Variants in CMTM4 observed in about 807,000 individuals in gnomAD.
CMTM4 encodes the protein CKLF-like MARVEL transmembrane domain-containing protein 4.
A neutral mutation model predicts 19.0 loss-of-function variants in CMTM4; 8 were observed. The observed-to-expected ratio is 0.42, with a 90% confidence interval of 0.25 to 0.76. CMTM4 has a LOEUF of 0.76. Ranked by LOEUF, CMTM4 falls within the 30% of genes least tolerant of loss-of-function variation. The pLI, the probability that CMTM4 is intolerant of heterozygous loss-of-function variation, is 0.27. For missense variants in CMTM4, 228 were observed against 290.2 expected, an observed-to-expected ratio of 0.79 and a Z score of 1.56; for synonymous variants, 106 against 121.1, an observed-to-expected ratio of 0.88 and a Z score of 0.82.
intron 1 of CMTM4, among the ~76,000 whole-genome samples, chr16:66,637,143 A>G (rs2016007650): frequency 6.6e-6 from 1 of 152,240 alleles, no homozygotes. Flanking sequence ...GGTGGGAACA[A>G]GAGGCGCACC....
At chr16:66,631,829 A>G (rs1040905631) in intron 2 of CMTM4, among the ~76,000 whole-genome samples, 44 of 152,308 alleles carry the variant, frequency 2.9e-4, no homozygotes, top group African/African-American at 1.1e-3. Flanking sequence ...GGAAAACCAG[A>G]GACCTTTGTT....
intron 2 of CMTM4, among the ~76,000 whole-genome samples, chr16:66,635,517 A>G (rs2015973803): frequency 6.6e-6 from 1 of 152,300 alleles, no homozygotes; most frequent in Admixed American, 6.5e-5. Context: ...TCATGGGCCC[A>G]GCAGCAGCCA....
At chr16:66,662,814 G>A (rs2016522020) in intron 1 of CMTM4, among the ~76,000 whole-genome samples, 1 of 152,102 alleles carries the variant, frequency 6.6e-6, no homozygotes, top group African/African-American at 2.4e-5. Flanking sequence ...CTGGCAGAAA[G>A]AGGAAGCAAA....
chr16:66,636,352 G>T, intron 2 of CMTM4, 53 bp downstream of exon 2: 1 of 1,465,280 alleles, frequency 6.8e-7, no homozygotes, highest in Non-Finnish European at 9.4e-7. Flanking sequence ...GCTTTTCCTT[G>T]GAGCCAACAG....
At chr16:66,637,067 C>T (rs1188332854) in intron 1 of CMTM4, among the ~76,000 whole-genome samples, 1 of 152,332 alleles carries the variant, frequency 6.6e-6, no homozygotes, top group East Asian at 1.9e-4. Context: ...TAAAGTCACA[C>T]AGGTTAACTG....
At chr16:66,613,313 G>T (rs1372961756), downstream of CMTM4, 3 of 591,568 alleles carry the variant, frequency 5.1e-6, no homozygotes, top group Non-Finnish European at 9.1e-6. Context: ...TCAAAGAAGA[G>T]CTCATAGACT....
chr16:66,687,979 G>A (rs988435780), intron 1 of CMTM4, among the ~76,000 whole-genome samples: 5 of 152,002 alleles, frequency 3.3e-5, no homozygotes, highest in South Asian at 4.1e-4. Context: ...AAGCCACCGC[G>A]CCTGGCCAAA....
chr16:66,695,074 C>A (rs1166727553), intron 1 of CMTM4, among the ~76,000 whole-genome samples: 1 of 151,978 alleles, frequency 6.6e-6, no homozygotes, highest in Non-Finnish European at 1.5e-5. Context: ...AGGCCTGGCA[C>A]GGTGGCTCAT....
chr16:66,691,723 T>C (rs1425472078), intron 1 of CMTM4, among the ~76,000 whole-genome samples: 1 of 152,016 alleles, frequency 6.6e-6, no homozygotes, highest in African/African-American at 2.4e-5. Flanking sequence ...AAAGATAAAA[T>C]CTATGCAACT....
chr16:66,672,480 TATA>T (rs2016727495), intron 1 of CMTM4, among the ~76,000 whole-genome samples: 1 of 149,608 alleles, frequency 6.7e-6, no homozygotes, highest in South Asian at 2.1e-4. Context: ...CTTATATATA[TATA>T]ATATGTATAT....
chr16:66,680,712 T>C lies in CMTM4; in HGVS notation c.186+15628A>G, dbSNP rs548886473. Among the ~76,000 whole-genome samples the C allele has an allele frequency of 1.5e-4, 20 of 137,314 alleles. No individual in the cohort carries two copies. The East Asian group carries it at 4.5e-3, about 31-fold the overall frequency. The allele number at this position is 137,314 out of a possible 152,430, so 90.1% of individuals were successfully genotyped here. ...TGGCATGAACCTGGGAGGCAGAGCTTGCAGTGAGCCGAGATCGTGCCACTG... is the reference window on the plus strand; with the variant it reads ...TGGCATGAACCTGGGAGGCAGAGCTCGCAGTGAGCCGAGATCGTGCCACTG... On this transcript the variant is annotated intron_variant, in intron 1 of 3. Coordinates refer to ENST00000394106, the MANE Select transcript of CMTM4 (RefSeq NM_181521.3).
chr16:66,686,099 A>G (rs2017025773), intron 1 of CMTM4, among the ~76,000 whole-genome samples: 1 of 152,088 alleles, frequency 6.6e-6, no homozygotes, highest in Non-Finnish European at 1.5e-5. Flanking sequence ...CTAAAAATAC[A>G]AAAGTTAGCT....
At chr16:66,686,452 G>GGCAGGAGAATTGCTTGAAC in intron 1 of CMTM4, among the ~76,000 whole-genome samples, 1 of 149,864 alleles carries the variant, frequency 6.7e-6, no homozygotes, top group South Asian at 2.1e-4. Context: ...AGGAGGCGGA[G>GGCAGGAGAATTGCTTGAAC]GCAGGAGAAT....
chr16:66,670,676 T>C (rs1224711205), intron 1 of CMTM4, among the ~76,000 whole-genome samples: 1 of 152,048 alleles, frequency 6.6e-6, no homozygotes, highest in South Asian at 2.1e-4. Context: ...GGCACGAACC[T>C]GTAGTCCCAG....
intron 1 of CMTM4, among the ~76,000 whole-genome samples, chr16:66,638,494 A>G (rs2016039296): frequency 6.6e-6 from 1 of 152,364 alleles, no homozygotes; most frequent in African/African-American, 2.4e-5. Context: ...AGACAGGAAG[A>G]ATAAGTTCAA....
intron 1 of CMTM4, among the ~76,000 whole-genome samples, chr16:66,647,630 C>T (rs770581745): frequency 2.0e-5 from 3 of 152,078 alleles, no homozygotes; most frequent in Non-Finnish European, 2.9e-5. Flanking sequence ...TCTCTGAGTG[C>T]TACTCAGAGA....
At chr16:66,632,377 G>T (rs542377657) in intron 2 of CMTM4, among the ~76,000 whole-genome samples, 107 of 152,330 alleles carry the variant, frequency 7.0e-4, no homozygotes, top group Non-Finnish European at 1.0e-3. Context: ...TGGACTGGGG[G>T]AAGGGGCAGG....
chr16:66,666,772 C>G (rs990510909), intron 1 of CMTM4, among the ~76,000 whole-genome samples: 2 of 152,192 alleles, frequency 1.3e-5, no homozygotes, highest in Non-Finnish European at 2.9e-5. Context: ...TTTGCAGCAA[C>G]ATGGATGGAG....
chr16:66,694,394 A>G (rs1048606822), intron 1 of CMTM4, among the ~76,000 whole-genome samples: 7 of 152,036 alleles, frequency 4.6e-5, no homozygotes, highest in African/African-American at 1.7e-4. Context: ...ATACTCAAAC[A>G]TTGGCTAGCT....
Sources: allele counts gnomAD v4.1 joint callset (sites outside exome capture counted in the v4.1 genomes callset), GRCh38; gene constraint gnomAD v4.1.1; transcripts MANE v1.5; gene names NCBI Gene and HGNC (gene_info 2026-07-23, HGNC 2026-07-21).